CEP120: variants seen among roughly 807,000 people sequenced by gnomAD.
The protein encoded by CEP120 is centrosomal protein 120.
In CEP120, 113 loss-of-function variants were observed where a neutral mutation model predicts 126.5. The observed-to-expected ratio is 0.89, with a 90% CI of 0.77 to 1.04. The LOEUF is 1.04. CEP120 is among the 50% of genes least tolerant of loss of function. The pLI is 0.00. For missense variants in CEP120, 1,230 were observed against 1,155.7 expected (o/e 1.06, Z -0.93); for synonymous variants, 400 against 394.3 (o/e 1.01, Z -0.17).
intron 17 of CEP120, among the ~76,000 whole-genome samples, chr5:123,365,165 CAA>C (rs1032070045): frequency 4.0e-5 from 6 of 151,630 alleles, no homozygotes; most frequent in African/African-American, 1.4e-4. Flanking sequence ...AACATAAAGC[CAA>C]GAGTAAGAAA....
At chr5:123,401,509 A>G (rs1773236619) in intron 4 of CEP120, 2 of 1,280,770 alleles carry the variant, frequency 1.6e-6, no homozygotes, top group Non-Finnish European at 2.3e-6. Flanking sequence ...ACATGCTCTC[A>G]GCCTCGGCCT....
At position 123,402,053 on chromosome 5, in the gene CEP120, G is replaced by T. The variant is rs1773284525; in HGVS notation, c.464-2769C>A. The T allele has an allele frequency of 1.6e-5, 25 of 1,594,584 alleles. No homozygotes were observed. In the South Asian group the frequency reaches 2.1e-4, roughly 13 times the overall value. ...TGAAGGAGGCAAACTTGTTGTTGAG[G>T]GTCTTGATCTGCTCCTTCTCCTGGG... On this transcript the variant is annotated intron_variant, in intron 4 of 19. Transcript: ENST00000306467.
intron 11 of CEP120, 107 bp downstream of exon 11, chr5:123,384,844 T>C (rs372137113): frequency 1.1e-6 from 1 of 916,940 alleles, no homozygotes; most frequent in South Asian, 1.8e-5. Context: ...GGTGAAGTGG[T>C]GGATCAGAAA....
chr5:123,369,698 G>C (rs1039641809), intron 17 of CEP120, among the ~76,000 whole-genome samples: 2 of 151,944 alleles, frequency 1.3e-5, no homozygotes, highest in African/African-American at 4.8e-5. Context: ...CCTCAAAGAG[G>C]CCTTCCTTAA....
chr5:123,356,011 C>T (rs1043456805), intron 18 of CEP120, among the ~76,000 whole-genome samples: 3 of 152,034 alleles, frequency 2.0e-5, no homozygotes, highest in African/African-American at 7.2e-5. Context: ...GCCAGTTCTC[C>T]CAGCACCATT....
intron 13 of CEP120, 85 bp from the exon 14 acceptor site, chr5:123,382,285 T>C: frequency 4.7e-6 from 3 of 634,118 alleles, no homozygotes; most frequent in Non-Finnish European, 7.9e-6. Context: ...TAACCGATGC[T>C]GATCACTAAT....
At chr5:123,362,172 A>G (rs1226164229) in intron 18 of CEP120, among the ~76,000 whole-genome samples, 2 of 151,716 alleles carry the variant, frequency 1.3e-5, no homozygotes, top group Admixed American at 1.3e-4. Context: ...CATCATAACC[A>G]TATATTAGCT....
rs1768817433 is a variant in CEP120 at position 123,346,403 on chromosome 5, T to G, written c.*116A>C. 1 of 698,612 alleles carries G rather than the reference T, an allele frequency of 1.4e-6. No homozygotes were observed. The highest frequency in any genetic ancestry group is 2.1e-5 in the South Asian group (1 of 48,246). 43.3% of individuals were successfully genotyped at this position (698,612 alleles called of 1,614,324 possible). A position where few individuals can be genotyped will look rare whatever the true frequency, so the allele number is the denominator to read the frequency against. On this transcript the variant is annotated 3_prime_UTR_variant, in exon 20 of 20. Transcript: ENST00000306467. ...TACTATACAATAACATACAAAATTT[T>G]GCTTATAAAAAATTGAAAATACCAT...
In CEP120 at chr5:123,393,346, C is replaced by G. The variant is rs530036424; in HGVS notation, c.764G>C (p.Ser255Thr). The G allele has an allele frequency of 5.6e-6, 9 of 1,614,196 alleles. No homozygotes were observed. The East Asian group carries it at 2.0e-4, about 36-fold the overall frequency. ...CAGGTAAACACGAAGAATTTCTACACTGCTACGGATGCGAACTGATGCTCT... is the reference window on the plus strand; with the variant it reads ...CAGGTAAACACGAAGAATTTCTACAGTGCTACGGATGCGAACTGATGCTCT... The part of the protein sequence containing the change: ...PERASVRIRS[S>T]VEILRVYLAL... Residue 255 changes from serine (S) to threonine (T), a missense_variant, in exon 6 of 20, where the codon AGT becomes ACT. Ser to Thr is a moderately conservative substitution (Grantham distance 58). Coordinates refer to ENST00000306467, the MANE Select transcript of CEP120 (RefSeq NM_001375405.1).
chr5:123,388,680 A>C, intron 8 of CEP120, 74 bp from the exon 9 acceptor site: 1 of 1,204,994 alleles, frequency 8.3e-7, no homozygotes, highest in East Asian at 2.6e-5. Context: ...AGATAGTTTA[A>C]GGCTATCATC....
rs540306977 is a variant in CEP120, at chr5:123,414,531, G to A, written c.321+1479C>T. On this transcript the variant is annotated intron_variant, in intron 3 of 19. Transcript: ENST00000306467. ...ATTTAAGATTCAAATCAAGAATGGC[G>A]TTTTAAATAAAAGAGAAGATATTAT... is the stretch of plus-strand genomic sequence containing the variant. 2.7e-4 allele frequency among the ~76,000 whole-genome samples: 41 copies of A among 152,242 alleles called. 1 individual carries two copies. The South Asian group carries it at 2.7e-3, about 10-fold the overall frequency.
At chr5:123,408,760 C>G (rs1380433321) in intron 4 of CEP120, among the ~76,000 whole-genome samples, 1 of 152,166 alleles carries the variant, frequency 6.6e-6, no homozygotes, top group African/African-American at 2.4e-5. Flanking sequence ...CTTCCTAACT[C>G]ATTCTATGAG....
rs1769110046 is a variant in CEP120 at position 123,350,144 on chromosome 5, A to C, written c.2581-55T>G. ...CCTTAATATTAGGAACAAATATTTT[A>C]TATGACTTTGACTTGTGATTATAAT... On this transcript the variant is annotated intron_variant, in intron 18 of 19. Transcript: ENST00000306467. 4 of 1,462,752 alleles carry C rather than the reference A, an allele frequency of 2.7e-6. 1 individual carries two copies. In the South Asian group the frequency reaches 5.0e-5, roughly 18 times the overall value. The allele number at this position is 1,462,752 out of a possible 1,614,324, so 90.6% of individuals were successfully genotyped here.
intron 4 of CEP120, among the ~76,000 whole-genome samples, chr5:123,407,261 A>AT (rs1303007447): frequency 1.3e-5 from 2 of 152,156 alleles, no homozygotes; most frequent in Non-Finnish European, 2.9e-5. Context: ...ATGCAACTAT[A>AT]TTAATAATCA....
chr5:123,379,023 A>T (rs1039866991), intron 14 of CEP120, among the ~76,000 whole-genome samples: 1 of 152,028 alleles, frequency 6.6e-6, no homozygotes, highest in African/African-American at 2.4e-5. Context: ...ACAACAGTAG[A>T]AAAGTGTAGT....
chr5:123,405,159 G>A (rs192894484), intron 4 of CEP120, among the ~76,000 whole-genome samples: 49 of 152,294 alleles, frequency 3.2e-4, no homozygotes, highest in African/African-American at 1.2e-3. Flanking sequence ...AAACAGACAG[G>A]GAGCTACGGA....
At chr5:123,401,614 A>T in intron 4 of CEP120, 1 of 1,423,686 alleles carries the variant, frequency 7.0e-7, no homozygotes, top group South Asian at 1.1e-5. Context: ...ACAGCACCAC[A>T]GATGTGTCTG....
chr5:123,383,014 C>T lies in CEP120; in HGVS notation c.1832G>A (p.Arg611His), dbSNP rs758625645. 73 of 1,593,438 alleles carry T rather than the reference C, an allele frequency of 4.6e-5. 1 individual carries two copies. Among genetic ancestry groups the T allele is most frequent in the South Asian group, 3.6e-4 (32 of 89,686 alleles). The change falls in exon 12 of 20, where the codon CGT (arginine) becomes CAT (histidine). Residue 611 changes from arginine to histidine, a missense_variant. Physicochemically the swap from Arg to His is conservative, Grantham distance 29. Transcript: ENST00000306467. ...TLEDYGLVKM[R>H]EIFISDSSQG... is the part of the protein sequence containing the mutation. ...AGATGAATCAGAGATAAAAATCTCACGCATTTTTACTAGTCCATAATCTTC... is the reference window on the plus strand; with the variant it reads ...AGATGAATCAGAGATAAAAATCTCATGCATTTTTACTAGTCCATAATCTTC...
intron 10 of CEP120, 145 bp downstream of exon 10, chr5:123,386,373 C>T: frequency 4.1e-6 from 2 of 489,944 alleles, no homozygotes; most frequent in Non-Finnish European, 6.7e-6. Flanking sequence ...AAATGTCATA[C>T]ACATAATTAG....
Sources: allele counts gnomAD v4.1 joint callset (sites outside exome capture counted in the v4.1 genomes callset), GRCh38; gene constraint gnomAD v4.1.1; transcripts MANE v1.5; gene names NCBI Gene and HGNC (gene_info 2026-07-23, HGNC 2026-07-21).